The following DAGLA variants were observed in gnomAD, a reference collection of about 807,000 sequenced individuals.
DAGLA encodes the protein diacylglycerol lipase-alpha.
DAGLA carries 22 observed loss-of-function variants against 102.6 expected under a neutral mutation model. The ratio of observed to expected loss-of-function variants is 0.21; its 90% CI spans 0.15 to 0.31. The LOEUF is 0.31. Among genes scored for constraint, DAGLA ranks in the 10% least tolerant of loss-of-function variants. The pLI, the probability that DAGLA is intolerant of heterozygous loss-of-function variation, is 1.00. For missense variants in DAGLA, 927 were observed against 1,446.6 expected (o/e 0.64, Z 5.83); for synonymous variants, 578 against 628.9 (o/e 0.92, Z 1.21).
intron 1 of DAGLA, among the ~76,000 whole-genome samples, chr11:61,706,548 C>A (rs905202534): frequency 6.6e-6 from 1 of 152,182 alleles, no homozygotes; most frequent in Admixed American, 6.5e-5. Flanking sequence ...GGTCGTCAGG[C>A]TCTGTCTAAA....
intron 9 of DAGLA, among the ~76,000 whole-genome samples, chr11:61,733,379 A>G (rs2065393007): frequency 6.6e-6 from 1 of 152,328 alleles, no homozygotes; most frequent in East Asian, 1.9e-4. Context: ...CCCATTGTAC[A>G]TCGGCTTTGT....
chr11:61,707,442 C>T (rs936944522), intron 1 of DAGLA, among the ~76,000 whole-genome samples: 1 of 152,248 alleles, frequency 6.6e-6, no homozygotes, highest in East Asian at 1.9e-4. Flanking sequence ...GGCCTGTTCT[C>T]CCCTCTCCTT....
At position 61,744,528 on chromosome 11, in the gene DAGLA, A is replaced by C; in HGVS notation, c.*39A>C. The C allele has an allele frequency of 6.6e-7, 1 of 1,504,472 alleles. No individual in the cohort carries two copies. Among genetic ancestry groups the C allele is most frequent in the South Asian group, 1.3e-5 (1 of 75,348 alleles). 93.2% of individuals were successfully genotyped at this position (1,504,472 alleles called of 1,614,324 possible). A position where few individuals can be genotyped will look rare whatever the true frequency, so the allele number is the denominator to read the frequency against. ...TGGCCAGCCGGGCCCAGGCAGGAGC[A>C]GGTGGCCCTGTGGGCACCTGGTGCC... On this transcript the variant is annotated 3_prime_UTR_variant, in exon 20 of 20. Coordinates refer to ENST00000257215, the MANE Select transcript of DAGLA (RefSeq NM_006133.3).
chr11:61,744,491 A>C lies in DAGLA; in HGVS notation c.*2A>C, dbSNP rs766038602. On this transcript the variant is annotated 3_prime_UTR_variant, in exon 20 of 20. Transcript: ENST00000257215. ...GAGCTGGTCATCTCAGCACGCTAGC[A>C]CCCCAGTTGCGTGGCCAGCCGGGCC... The C allele has an allele frequency of 6.5e-7, 1 of 1,538,276 alleles. No homozygotes were observed. Among genetic ancestry groups the C allele is most frequent in the Non-Finnish European group, 8.8e-7 (1 of 1,140,652 alleles).
In DAGLA at chr11:61,734,025, G is replaced by A. The variant is rs953987389; in HGVS notation, c.975-824G>A. 6.6e-6 allele frequency among the ~76,000 whole-genome samples: 1 copy of A among 152,168 alleles called. No homozygotes were observed. Among genetic ancestry groups the A allele is most frequent in the African/African-American group, 2.4e-5 (1 of 41,428 alleles). ...ACCAGAGCCAGGTGGGGTAGACAGG[G>A]CGTTGCTGTAGGGTCTTAAAAAGAA... On this transcript the variant is annotated intron_variant, in intron 9 of 19. Coordinates refer to ENST00000257215, the MANE Select transcript of DAGLA (RefSeq NM_006133.3). The surrounding 1 kb of genome is among the most constrained non-coding windows in gnomAD (Gnocchi z 4.2).
intron 1 of DAGLA, among the ~76,000 whole-genome samples, chr11:61,700,067 A>G (rs979663939): frequency 2.0e-4 from 30 of 152,196 alleles, no homozygotes; most frequent in African/African-American, 7.2e-4. Context: ...CGCGCAGAGC[A>G]TGTGACTTGG....
chr11:61,726,141 G>A, intron 6 of DAGLA, 59 bp downstream of exon 6: 8 of 1,529,238 alleles, frequency 5.2e-6, no homozygotes, highest in Non-Finnish European at 7.2e-6. Context: ...TGATTAAGGG[G>A]CTGTTGGCTC....
chr11:61,698,252 G>A (rs1199982021), intron 1 of DAGLA, among the ~76,000 whole-genome samples: 1 of 152,218 alleles, frequency 6.6e-6, no homozygotes, highest in Non-Finnish European at 1.5e-5. Context: ...CATCTCTCCT[G>A]TGGTGCCTCT....
At chr11:61,740,713 G>T in intron 18 of DAGLA, 121 bp downstream of exon 18, 1 of 1,339,916 alleles carries the variant, frequency 7.5e-7, no homozygotes, top group East Asian at 2.3e-5. Flanking sequence ...GCTCAGAGAA[G>T]TAGGTAGCTG....
chr11:61,716,742 G>T (rs1257173617), intron 1 of DAGLA, among the ~76,000 whole-genome samples: 4 of 152,162 alleles, frequency 2.6e-5, no homozygotes, highest in African/African-American at 9.7e-5. Flanking sequence ...TTAAAGTAGG[G>T]GGCAGCATAT....
intron 18 of DAGLA, among the ~76,000 whole-genome samples, chr11:61,740,907 A>G (rs198441): frequency 0.24 from 35,857 of 152,178 alleles, 5,474 homozygotes; most frequent in Non-Finnish European, 0.34. Flanking sequence ...AGCGACAGCC[A>G]CAGCCATCCC....
intron 1 of DAGLA, among the ~76,000 whole-genome samples, chr11:61,683,106 T>TC (rs1222469349): frequency 8.5e-5 from 13 of 152,222 alleles, no homozygotes; most frequent in Admixed American, 8.5e-4. Flanking sequence ...GTCCTGTTTT[T>TC]CTCTCACCCA....
chr11:61,686,258 C>T lies in DAGLA; in HGVS notation c.-45+5754C>T, dbSNP rs774391138. Among the ~76,000 whole-genome samples the T allele has an allele frequency of 2.6e-5, 4 of 152,094 alleles. No individual in the cohort carries two copies. The highest frequency in any genetic ancestry group is 4.4e-5 in the Non-Finnish European group (3 of 68,008). On this transcript the variant is annotated intron_variant, in intron 1 of 19. Transcript: ENST00000257215. This position sits in a 1 kb window ranked among gnomAD's most constrained non-coding sequence, Gnocchi z 5.2. ...GGGGCCAGGAAGCTGAGCTGGGCCT[C>T]GGAATCGCTGCCTAGAATGTGTTGC...
intron 1 of DAGLA, among the ~76,000 whole-genome samples, chr11:61,702,410 C>G (rs999164186): frequency 6.6e-6 from 1 of 152,194 alleles, no homozygotes; most frequent in Admixed American, 6.5e-5. Context: ...ATGATAGCAC[C>G]TTAAGGCTCC....
At chr11:61,742,560 C>T (rs1234795658) in intron 19 of DAGLA, among the ~76,000 whole-genome samples, 1 of 152,192 alleles carries the variant, frequency 6.6e-6, no homozygotes, top group African/African-American at 2.4e-5. Flanking sequence ...TCCCTGCAGG[C>T]TGGTCTGCGG....
intron 19 of DAGLA, 86 bp downstream of exon 19, chr11:61,741,435 C>G: frequency 2.1e-6 from 3 of 1,424,124 alleles, no homozygotes; most frequent in Non-Finnish European, 1.9e-6. Context: ...TTTGTGCATG[C>G]ACTGGGCTCA....
In DAGLA at chr11:61,686,762, A is replaced by G. The variant is rs1234336761; in HGVS notation, c.-45+6258A>G. Among the ~76,000 whole-genome samples, 1 of 152,154 alleles carries G rather than the reference A, an allele frequency of 6.6e-6. No individual in the cohort carries two copies. The highest frequency in any genetic ancestry group is 1.5e-5 in the Non-Finnish European group (1 of 68,016). On this transcript the variant is annotated intron_variant, in intron 1 of 19. Transcript: ENST00000257215. The surrounding 1 kb of genome is among the most constrained non-coding windows in gnomAD (Gnocchi z 5.2). ...CCTCGTCATTGTCTCTCCTGGAGCC[A>G]TTTAATTAATTGATGATTGATGTTC...
rs1363802842 is a variant in DAGLA, at chr11:61,740,600, A to G, written c.1983+8A>G. On this transcript the variant is annotated splice_region_variant and intron_variant, in intron 18 of 19. Coordinates refer to ENST00000257215, the MANE Select transcript of DAGLA (RefSeq NM_006133.3). ...ATGGAGGGGCTCAACAAGGTGAGGC[A>G]GCTCCCGGCAGGGTACCACCAGGGA... 2 of 1,612,546 alleles carry G rather than the reference A, an allele frequency of 1.2e-6. No individual in the cohort carries two copies. Among genetic ancestry groups the G allele is most frequent in the African/African-American group, 2.7e-5 (2 of 74,928 alleles).
chr11:61,738,047 C>A, intron 15 of DAGLA, 88 bp from the exon 16 acceptor site: 2 of 1,037,550 alleles, frequency 1.9e-6, no homozygotes, highest in Non-Finnish European at 3.0e-6. Context: ...AGGGGCTAGG[C>A]GTGTGCCTGC....
Sources: allele counts gnomAD v4.1 joint callset (sites outside exome capture counted in the v4.1 genomes callset), GRCh38; gene constraint gnomAD v4.1.1; non-coding constraint Gnocchi (gnomAD v3.1); transcripts MANE v1.5; gene names NCBI Gene and HGNC (gene_info 2026-07-23, HGNC 2026-07-21).